The following FIG4 variants were observed in gnomAD, a reference collection of about 807,000 sequenced individuals.
FIG4 encodes the protein polyphosphoinositide phosphatase.
FIG4 carries 112 observed loss-of-function variants against 118.6 expected under a neutral mutation model. That is an observed-to-expected ratio of 0.94 (90% CI 0.81 to 1.11). The LOEUF (loss-of-function observed/expected upper bound fraction) is 1.11, where lower values mean the gene tolerates loss of function less well. Among genes scored for constraint, FIG4 ranks in the 50% least tolerant of loss-of-function variants. FIG4 has a pLI of 0.00. For synonymous variants in FIG4, 369 were observed against 381.2 expected (o/e 0.97, Z 0.37); for missense variants, 969 against 1,111.7 (o/e 0.87, Z 1.83).
chr6:109,732,525 C>T (rs1776033452), intron 4 of FIG4, 112 bp from the exon 5 acceptor site: 2 of 686,578 alleles, frequency 2.9e-6, no homozygotes, highest in Non-Finnish European at 5.2e-6. Flanking sequence ...GTTTGAATTC[C>T]TCAGCTTTAA....
At chr6:109,815,219 C>A (rs149855033) in intron 22 of FIG4, among the ~76,000 whole-genome samples, 56 of 152,122 alleles carry the variant, frequency 3.7e-4, no homozygotes, top group Non-Finnish European at 6.2e-4. Flanking sequence ...TGCATCCACC[C>A]CTTCCCAGAC....
chr6:109,749,273 C>T (rs2128388240), intron 10 of FIG4, among the ~76,000 whole-genome samples: 1 of 152,128 alleles, frequency 6.6e-6, no homozygotes, highest in East Asian at 1.9e-4. Context: ...AATCATTTTT[C>T]TAGACATTTG....
chr6:109,760,387 A>C lies in FIG4; in HGVS notation c.1271+4A>C. The C allele has an allele frequency of 6.2e-7, 1 of 1,611,128 alleles. No individual in the cohort carries two copies. On this transcript the variant is annotated splice_donor_region_variant and intron_variant, in intron 11 of 22. Transcript: ENST00000230124. Reference sequence around the variant, plus strand: ...ACATGGCCAAGTATACCAAAAGGTGAATGATACTCATCTGTCTGGCTATGA... The same window carrying C: ...ACATGGCCAAGTATACCAAAAGGTGCATGATACTCATCTGTCTGGCTATGA...
At position 109,796,837 on chromosome 6, in the gene FIG4, T is replaced by C; in HGVS notation, c.2532T>C (p.Asp844=). The C allele has an allele frequency of 6.3e-7, 1 of 1,597,276 alleles. No individual in the cohort carries two copies. The highest frequency in any genetic ancestry group is 1.7e-4 in the Middle Eastern group (1 of 6,024). ...NSQQPCSRCS[D]GVIKLTPISA... is the part of the protein sequence containing the mutation. ...AGCAGCCCTGTTCTAGGTGCTCAGA[T>C]GGAGTTATAAAACTGTAAGTACTAG... Residue 844 remains aspartate, a synonymous_variant, in exon 22 of 23, where the codon GAT becomes GAC. Transcript: ENST00000230124.
At chr6:109,703,944 T>G (rs1240483808) in intron 1 of FIG4, among the ~76,000 whole-genome samples, 2 of 152,166 alleles carry the variant, frequency 1.3e-5, no homozygotes, top group Non-Finnish European at 2.9e-5. Flanking sequence ...CAGGCTAGCT[T>G]TTTTGGGCTC....
chr6:109,794,395 G>T (rs145984887), intron 21 of FIG4, among the ~76,000 whole-genome samples: 121 of 152,246 alleles, frequency 7.9e-4, no homozygotes, highest in African/African-American at 2.7e-3. Flanking sequence ...TGCAGACCTT[G>T]GGGGAAGGGG....
At chr6:109,735,367 C>G (rs1583663822) in intron 6 of FIG4, 69 bp downstream of exon 6, 1 of 1,417,382 alleles carries the variant, frequency 7.1e-7, no homozygotes, top group East Asian at 2.3e-5. Flanking sequence ...ATTAAATTCA[C>G]TCACATTTCC....
intron 10 of FIG4, among the ~76,000 whole-genome samples, chr6:109,753,174 C>G (rs554289872): frequency 6.6e-6 from 1 of 152,238 alleles, no homozygotes; most frequent in East Asian, 1.9e-4. Context: ...TTTCTCCCAT[C>G]CAAGTACTAA....
chr6:109,747,864 C>G (rs949109587), intron 10 of FIG4, among the ~76,000 whole-genome samples: 4 of 152,102 alleles, frequency 2.6e-5, no homozygotes, highest in Non-Finnish European at 4.4e-5. Flanking sequence ...TAGCTCGCTG[C>G]AACCTTGAAC....
intron 1 of FIG4, among the ~76,000 whole-genome samples, chr6:109,703,377 T>C (rs1377340593): frequency 6.6e-6 from 1 of 152,124 alleles, no homozygotes; most frequent in East Asian, 1.9e-4. Context: ...ACTACAGAGG[T>C]ATCAGGGGCT....
intron 15 of FIG4, among the ~76,000 whole-genome samples, chr6:109,770,945 G>A (rs542611775): frequency 1.3e-5 from 2 of 152,256 alleles, no homozygotes; most frequent in East Asian, 3.9e-4. Context: ...CATTATGATA[G>A]TACTCTAAAG....
intron 22 of FIG4, among the ~76,000 whole-genome samples, chr6:109,817,349 C>T (rs539137208): frequency 1.4e-4 from 22 of 152,198 alleles, no homozygotes; most frequent in African/African-American, 5.3e-4. Context: ...TGATAATAAA[C>T]GCAGCTGAAA....
intron 10 of FIG4, among the ~76,000 whole-genome samples, chr6:109,747,914 G>A (rs1303686983): frequency 6.6e-6 from 1 of 152,108 alleles, no homozygotes; most frequent in East Asian, 1.9e-4. Flanking sequence ...GTCTCCCAAA[G>A]TGCTGGGATT....
intron 6 of FIG4, among the ~76,000 whole-genome samples, chr6:109,736,541 A>G (rs1051162107): frequency 2.0e-5 from 3 of 152,100 alleles, no homozygotes; most frequent in Admixed American, 1.3e-4. Flanking sequence ...TTTGCTTGCA[A>G]CGCTTCTGAA....
intron 18 of FIG4, among the ~76,000 whole-genome samples, chr6:109,788,045 AGGCTTTGTGTTAGAT>A (rs1219493102): frequency 6.6e-6 from 1 of 152,202 alleles, no homozygotes; most frequent in African/African-American, 2.4e-5. Context: ...ACTATAAAAC[AGGCTTTGTGTTAGAT>A]GACTTTGCAC....
chr6:109,823,461 G>T (rs923502939), intron 22 of FIG4, among the ~76,000 whole-genome samples: 7 of 152,110 alleles, frequency 4.6e-5, no homozygotes, highest in African/African-American at 1.7e-4. Flanking sequence ...TCATTGTTGT[G>T]GATAAAAGCA....
At chr6:109,697,766 A>C (rs1272923132) in intron 1 of FIG4, among the ~76,000 whole-genome samples, 1 of 152,218 alleles carries the variant, frequency 6.6e-6, no homozygotes, top group East Asian at 1.9e-4. Flanking sequence ...TTTTGTCTGT[A>C]CCTCAATTGT....
chr6:109,822,814 TA>T (rs1327218946), intron 22 of FIG4, among the ~76,000 whole-genome samples: 1 of 143,246 alleles, frequency 7.0e-6, no homozygotes, highest in African/African-American at 2.6e-5. Context: ...TATATATATA[TA>T]TATATATATA....
chr6:109,786,559 G>C, intron 18 of FIG4, 110 bp downstream of exon 18: 1 of 1,223,818 alleles, frequency 8.2e-7, no homozygotes, highest in Non-Finnish European at 1.2e-6. Context: ...CTTCTGTCAG[G>C]TGGGTAGTCC....
Sources: allele counts gnomAD v4.1 joint callset (sites outside exome capture counted in the v4.1 genomes callset), GRCh38; gene constraint gnomAD v4.1.1; transcripts MANE v1.5; gene names NCBI Gene and HGNC (gene_info 2026-07-23, HGNC 2026-07-21).